Variants in CDON observed in about 807,000 individuals in gnomAD.
CDON encodes cell adhesion molecule-related/down-regulated by oncogenes.
A neutral mutation model predicts 120.9 loss-of-function variants in CDON; 73 were observed. The ratio of observed to expected loss-of-function variants is 0.60; its 90% CI spans 0.50 to 0.73. The LOEUF is 0.73. Among genes scored for constraint, CDON ranks in the 30% least tolerant of loss-of-function variants. CDON has a pLI of 0.00. For synonymous variants in CDON, 566 were observed against 573.5 expected, an observed-to-expected ratio of 0.99 and a Z score of 0.19; for missense variants, 1,470 against 1,587.3, an observed-to-expected ratio of 0.93 and a Z score of 1.26.
chr11:125,985,631 C>T (rs756076873), intron 15 of CDON, among the ~76,000 whole-genome samples: 5 of 152,096 alleles, frequency 3.3e-5, no homozygotes, highest in South Asian at 2.1e-4. Context: ...CTTATTATAC[C>T]GAATCTCCTG....
intron 14 of CDON, among the ~76,000 whole-genome samples, chr11:125,990,251 C>A (rs1271682559): frequency 6.6e-6 from 1 of 152,136 alleles, no homozygotes; most frequent in African/African-American, 2.4e-5. Context: ...ATGGATGCAA[C>A]GTGAACTGAC....
Position 125,987,989 on chromosome 11 carries a change from G to T in CDON, c.2773+1648C>A, listed in dbSNP as rs11220303. Among the ~76,000 whole-genome samples the T allele has an allele frequency of 8.5e-5, 13 of 152,224 alleles. No homozygotes were observed. The East Asian group carries it at 2.5e-3, about 29-fold the overall frequency. The stretch of plus-strand genomic sequence containing the variant: ...CTCCATTTCCTCATTTTTTAAAAAC[G>T]TACTTTTTCATGTCCTCATTTTTAA... On this transcript the variant is annotated intron_variant, in intron 15 of 19. Transcript: ENST00000531738.
intron 18 of CDON, among the ~76,000 whole-genome samples, chr11:125,974,951 T>TC (rs113408887): frequency 0.37 from 56,289 of 151,812 alleles, 10,540 homozygotes; most frequent in Admixed American, 0.43. Flanking sequence ...TCCTGAAGAC[T>TC]CCATGTCTGC....
intron 17 of CDON, among the ~76,000 whole-genome samples, chr11:125,979,327 C>T (rs1225716697): frequency 1.3e-5 from 2 of 152,116 alleles, no homozygotes; most frequent in African/African-American, 2.4e-5. Flanking sequence ...GTTTCTGATC[C>T]AACCAGCAAC....
intron 1 of CDON, among the ~76,000 whole-genome samples, chr11:126,059,583 AG>A (rs1948750429): frequency 6.6e-6 from 1 of 150,430 alleles, no homozygotes; most frequent in African/African-American, 2.5e-5. Context: ...GAAATTCCTC[AG>A]GTGCTCGCTA....
At chr11:126,045,619 A>C (rs1348998731) in intron 1 of CDON, among the ~76,000 whole-genome samples, 1 of 152,182 alleles carries the variant, frequency 6.6e-6, no homozygotes, top group Non-Finnish European at 1.5e-5. Context: ...TATGAGATTA[A>C]AAATAAGAAT....
At chr11:125,995,646 T>C (rs1946758487) in intron 12 of CDON, among the ~76,000 whole-genome samples, 1 of 152,194 alleles carries the variant, frequency 6.6e-6, no homozygotes, top group Admixed American at 6.5e-5. Context: ...GGACTGTGAA[T>C]TTCTGAAAAT....
rs572238103 is a variant in CDON, at chr11:126,019,744, G to A, written c.371C>T (p.Ser124Phe). 1.3e-5 allele frequency: 21 copies of A among 1,613,318 alleles called. No individual in the cohort carries two copies. The highest frequency in any genetic ancestry group is 3.3e-5 in the Admixed American group (2 of 59,992). The change falls in exon 4 of 20, where the codon TCC (serine) becomes TTC (phenylalanine). Residue 124 changes from serine (S) to phenylalanine (F), a missense_variant. Ser to Phe is a radical substitution (Grantham distance 155). Coordinates refer to ENST00000531738, the MANE Select transcript of CDON (RefSeq NM_001378964.1). ...TTCTGCTGTAATAACATGCTTTGTG[G>A]ATGAACCAAAATCACCAAGAACTGA... ...SVAVLGDFGS[S>F]TKHVITAEEK...
chr11:125,983,812 T>C (rs1946381852), intron 16 of CDON, 60 bp downstream of exon 16: 1 of 1,181,604 alleles, frequency 8.5e-7, no homozygotes, highest in Non-Finnish European at 1.3e-6. Context: ...ATATTTATTC[T>C]GACAATATTT....
chr11:126,053,040 T>C (rs1948604608), intron 1 of CDON, among the ~76,000 whole-genome samples: 1 of 152,104 alleles, frequency 6.6e-6, no homozygotes, highest in African/African-American at 2.4e-5. Flanking sequence ...CCATGGATAT[T>C]GAGGGACGAC....
intron 1 of CDON, among the ~76,000 whole-genome samples, chr11:126,056,689 G>C (rs1350874672): frequency 6.6e-6 from 1 of 152,054 alleles, no homozygotes; most frequent in East Asian, 1.9e-4. Context: ...ATTTTATTTA[G>C]CATATTAGAG....
chr11:125,960,937 T>C lies in CDON; in HGVS notation c.*5A>G. 1.9e-6 allele frequency: 3 copies of C among 1,613,968 alleles called. No homozygotes were observed. Among genetic ancestry groups the C allele is most frequent in the African/African-American group, 1.3e-5 (1 of 75,072 alleles). ...GTTGGAACATGACTGGTTGTTTGCA[T>C]GTCCTCAGGTTTCCCGGGGCTGCTG... On this transcript the variant is annotated 3_prime_UTR_variant, in exon 20 of 20. Transcript: ENST00000531738.
In CDON at chr11:126,010,350, G is replaced by A. The variant is rs781110937; in HGVS notation, c.1543C>T (p.Leu515Phe). The A allele has an allele frequency of 4.4e-6, 7 of 1,606,130 alleles. No individual in the cohort carries two copies. In the Admixed American group the frequency reaches 1.2e-4, roughly 27 times the overall value. The change falls in exon 8 of 20, where the codon CTC becomes TTC. Residue 515 changes from leucine to phenylalanine, a missense_variant. Transcript: ENST00000531738. ...EHGTTQAEAS[L>F]MVVPFETNTK... ...AATAATGGCAACTCACCAACCATGA[G>A]AGATGCTTCTGCCTGTGTGGTACCA...
At chr11:126,010,802 G>A in intron 7 of CDON, 108 bp from the exon 8 acceptor site, 1 of 827,648 alleles carries the variant, frequency 1.2e-6, no homozygotes, top group Non-Finnish European at 2.0e-6. Context: ...TTAAAACCAA[G>A]ATAGCTACCT....
chr11:126,039,825 A>C (rs1221675884), intron 1 of CDON, among the ~76,000 whole-genome samples: 3 of 152,130 alleles, frequency 2.0e-5, no homozygotes, highest in Non-Finnish European at 2.9e-5. Flanking sequence ...AAATAAGCCG[A>C]ACTCTTAGAC....
At chr11:126,020,428 C>T (rs916773122) in intron 3 of CDON, among the ~76,000 whole-genome samples, 2 of 152,156 alleles carry the variant, frequency 1.3e-5, no homozygotes, top group African/African-American at 2.4e-5. Context: ...TCACTACGGA[C>T]GGAGCCTGCA....
intron 1 of CDON, among the ~76,000 whole-genome samples, chr11:126,026,513 C>T (rs7949135): frequency 0.024 from 3,614 of 152,268 alleles, 144 homozygotes; most frequent in African/African-American, 0.082. Flanking sequence ...GAGGAAGGCA[C>T]CTTAAGTACA....
chr11:125,984,118 T>C (rs1591565464), intron 15 of CDON, 25 bp from the exon 16 acceptor site: 1 of 1,504,980 alleles, frequency 6.6e-7, no homozygotes. Context: ...AAGGAAAACA[T>C]GATGTCAGAG....
Position 126,018,284 on chromosome 11 carries a change from G to A in CDON, c.640+46C>T, listed in dbSNP as rs749874071. 8.2e-6 allele frequency: 13 copies of A among 1,585,170 alleles called. No individual in the cohort carries two copies. The East Asian group carries it at 2.2e-4, about 27-fold the overall frequency. On this transcript the variant is annotated intron_variant, in intron 5 of 19. Coordinates refer to ENST00000531738, the MANE Select transcript of CDON (RefSeq NM_001378964.1). ...GAACTATCATTGCCCAACTTTTTATGAGGACTCTTCCTCTTCCAGTTACCA... is the reference window on the plus strand; with the variant it reads ...GAACTATCATTGCCCAACTTTTTATAAGGACTCTTCCTCTTCCAGTTACCA...
Sources: gnomAD v4.1 joint callset for allele counts (sites outside exome capture counted in the v4.1 genomes callset) on GRCh38, gnomAD v4.1.1 for gene constraint, MANE v1.5 for transcripts, NCBI Gene and HGNC (gene_info 2026-07-23, HGNC 2026-07-21) for gene names.